Variants in CXCL13 observed in about 807,000 individuals in gnomAD.
CXCL13 encodes the protein C-X-C motif chemokine ligand 13.
In CXCL13, 7 loss-of-function variants were observed where a neutral mutation model predicts 12.2. The ratio of observed to expected loss-of-function variants is 0.57; its 90% CI spans 0.33 to 1.07. The LOEUF is 1.07. Ranked by LOEUF, CXCL13 falls within the 50% of genes least tolerant of loss-of-function variation. CXCL13 has a pLI of 0.04. For missense variants in CXCL13, 113 were observed against 127.4 expected (o/e 0.89, Z 0.55); for synonymous variants, 47 against 42.4 (o/e 1.11, Z -0.42).
chr4:77,598,801 C>T (rs1311235770), intron 1 of CXCL13, among the ~76,000 whole-genome samples: 1 of 151,476 alleles, frequency 6.6e-6, no homozygotes, highest in East Asian at 1.9e-4. Context: ...CATTTTTGGC[C>T]TAGCCCCAAC....
At chr4:77,567,917 C>A (rs1725976870) in intron 1 of CXCL13, among the ~76,000 whole-genome samples, 1 of 152,210 alleles carries the variant, frequency 6.6e-6, no homozygotes, top group Non-Finnish European at 1.5e-5. Flanking sequence ...GCCCTCAGGG[C>A]TACTCTGCCT....
At chr4:77,578,350 C>T (rs912044216) in intron 1 of CXCL13, among the ~76,000 whole-genome samples, 12 of 152,172 alleles carry the variant, frequency 7.9e-5, no homozygotes, top group African/African-American at 2.9e-4. Flanking sequence ...TGACTTCTGC[C>T]TTCCCAAAAC....
At chr4:77,601,295 A>G (rs139856208), upstream of CXCL13, among the ~76,000 whole-genome samples, 379 of 152,336 alleles carry the variant, frequency 2.5e-3, 1 homozygote, top group Non-Finnish European at 4.3e-3. Flanking sequence ...ATGATGGCAA[A>G]ATGCACAGGA....
upstream of CXCL13, among the ~76,000 whole-genome samples, chr4:77,604,582 C>T (rs1726958001): frequency 6.6e-6 from 1 of 151,906 alleles, no homozygotes; most frequent in Non-Finnish European, 1.5e-5. Flanking sequence ...GCAGCTTTCA[C>T]ATATACATAA....
chr4:77,566,981 G>A (rs1725937634), intron 1 of CXCL13, among the ~76,000 whole-genome samples: 2 of 152,190 alleles, frequency 1.3e-5, no homozygotes, highest in African/African-American at 4.8e-5. Context: ...CACAAATGAA[G>A]TGAAAATAGC....
At chr4:77,577,244 C>T (rs915178786) in intron 1 of CXCL13, among the ~76,000 whole-genome samples, 6 of 152,120 alleles carry the variant, frequency 3.9e-5, no homozygotes, top group Non-Finnish European at 8.8e-5. Context: ...TAACCATAGC[C>T]ACCAGTTATC....
At chr4:77,550,991 G>A (rs1725502588) in intron 1 of CXCL13, among the ~76,000 whole-genome samples, 1 of 151,996 alleles carries the variant, frequency 6.6e-6, no homozygotes, top group East Asian at 1.9e-4. Context: ...ATCTTTCTCT[G>A]ACATTTACTT....
intron 1 of CXCL13, among the ~76,000 whole-genome samples, chr4:77,568,246 CTG>C (rs1264040523): frequency 6.6e-6 from 1 of 152,208 alleles, no homozygotes; most frequent in African/African-American, 2.4e-5. Context: ...TTTGGCTCCT[CTG>C]TCCTTTCCTG....
chr4:77,601,748 T>G (rs1045640444), upstream of CXCL13, among the ~76,000 whole-genome samples: 20 of 152,250 alleles, frequency 1.3e-4, no homozygotes, highest in Admixed American at 2.0e-4. Context: ...GTGTTTGCTA[T>G]TTGCCCAACA....
intron 1 of CXCL13, among the ~76,000 whole-genome samples, chr4:77,559,547 A>G (rs1256741930): frequency 1.3e-5 from 2 of 152,106 alleles, no homozygotes; most frequent in African/African-American, 4.8e-5. Context: ...GCTATCGCAC[A>G]GCAACCATCC....
At chr4:77,554,294 T>C (rs1471264333) in intron 1 of CXCL13, among the ~76,000 whole-genome samples, 1 of 152,126 alleles carries the variant, frequency 6.6e-6, no homozygotes, top group Non-Finnish European at 1.5e-5. Flanking sequence ...GGAAAATTAT[T>C]ATAGCTTGTA....
chr4:77,544,588 G>C (rs905347392), intron 1 of CXCL13, among the ~76,000 whole-genome samples: 1 of 152,096 alleles, frequency 6.6e-6, no homozygotes. Flanking sequence ...CTTTTTGATG[G>C]GGTTGTTTGA....
intron 1 of CXCL13, among the ~76,000 whole-genome samples, chr4:77,545,547 TTGTC>T (rs929933852): frequency 6.6e-6 from 1 of 152,202 alleles, no homozygotes; most frequent in African/African-American, 2.4e-5. Flanking sequence ...GGCTCTCTGT[TTGTC>T]TGCTATTAGT....
intron 1 of CXCL13, among the ~76,000 whole-genome samples, chr4:77,528,034 G>T (rs1445135399): frequency 1.3e-5 from 2 of 152,030 alleles, no homozygotes; most frequent in African/African-American, 2.4e-5. Context: ...GCGGTGTTTG[G>T]TTTTTTGTCC....
chr4:77,532,263 A>G (rs1375343405), intron 1 of CXCL13, among the ~76,000 whole-genome samples: 1 of 152,100 alleles, frequency 6.6e-6, no homozygotes, highest in Non-Finnish European at 1.5e-5. Flanking sequence ...ATCTCTCAGC[A>G]TTTGCTTGTC....
chr4:77,513,287 G>T (rs527995533), intron 1 of CXCL13, among the ~76,000 whole-genome samples: 6 of 152,226 alleles, frequency 3.9e-5, no homozygotes, highest in Admixed American at 1.3e-4. Flanking sequence ...AATCCTTTGG[G>T]CATATACCCA....
chr4:77,562,068 G>A (rs1308582725), intron 1 of CXCL13, among the ~76,000 whole-genome samples: 1 of 152,188 alleles, frequency 6.6e-6, no homozygotes, highest in East Asian at 1.9e-4. Context: ...CACCAGGGCT[G>A]CGCTCGAATT....
intron 1 of CXCL13, among the ~76,000 whole-genome samples, chr4:77,538,995 G>T (rs1231916324): frequency 6.6e-6 from 1 of 151,914 alleles, no homozygotes; most frequent in African/African-American, 2.4e-5. Flanking sequence ...AGGAATGAAA[G>T]TGTACTTGGA....
intron 1 of CXCL13, among the ~76,000 whole-genome samples, chr4:77,582,492 A>G (rs1188751880): frequency 6.6e-6 from 1 of 152,152 alleles, no homozygotes; most frequent in African/African-American, 2.4e-5. Context: ...GAAAGTGAGG[A>G]GAGAGAGAGC....
Sources: gnomAD v4.1 joint callset for allele counts (sites outside exome capture counted in the v4.1 genomes callset) on GRCh38, gnomAD v4.1.1 for gene constraint, MANE v1.5 for transcripts, NCBI Gene and HGNC (gene_info 2026-07-23, HGNC 2026-07-21) for gene names.